The following TSPAN18 variants were observed in gnomAD, a reference collection of about 807,000 sequenced individuals.
The protein encoded by TSPAN18 is tetraspanin 18, also known as tetraspanin-18.
TSPAN18 carries 14 observed loss-of-function variants against 27.3 expected under a neutral mutation model. The observed-to-expected ratio is 0.51, with a 90% CI of 0.34 to 0.80. TSPAN18 has a LOEUF of 0.80. Among genes scored for constraint, TSPAN18 ranks in the 30% least tolerant of loss-of-function variants. The pLI is 0.01. For missense variants in TSPAN18, 268 were observed against 323.9 expected (o/e 0.83, Z 1.32); for synonymous variants, 143 against 136.5 (o/e 1.05, Z -0.33).
At chr11:44,772,986 C>T (rs1855723143) in intron 2 of TSPAN18, among the ~76,000 whole-genome samples, 1 of 152,018 alleles carries the variant, frequency 6.6e-6, no homozygotes, top group African/African-American at 2.4e-5. Flanking sequence ...TCCAAATGAA[C>T]AGGTATCACA....
chr11:44,762,623 GTGTGTGTGTGTGTT>G (rs996169810), intron 1 of TSPAN18, among the ~76,000 whole-genome samples: 1 of 152,138 alleles, frequency 6.6e-6, no homozygotes, highest in Admixed American at 6.6e-5. Flanking sequence ...ATATGTGTGT[GTGTGTGTGTGTGTT>G]TGTGTGTGTG....
chr11:44,918,065 G>A lies in TSPAN18; in HGVS notation c.333+19G>A. On this transcript the variant is annotated intron_variant, in intron 6 of 9. Transcript: ENST00000520358. ...GGAAAATGTACGTATCAGGCCCCAA[G>A]CTTTCCTGCCTCCTGCTATCAGCAA... The A allele has an allele frequency of 6.2e-7, 1 of 1,613,156 alleles. No individual in the cohort carries two copies. Among genetic ancestry groups the A allele is most frequent in the Non-Finnish European group, 8.5e-7 (1 of 1,179,656 alleles).
At chr11:44,791,450 C>T (rs1030196892) in intron 2 of TSPAN18, among the ~76,000 whole-genome samples, 2 of 152,198 alleles carry the variant, frequency 1.3e-5, no homozygotes, top group Non-Finnish European at 2.9e-5. Flanking sequence ...ATCCATCTGT[C>T]CCCCGACATG....
intron 2 of TSPAN18, among the ~76,000 whole-genome samples, chr11:44,850,674 A>T (rs1048180008): frequency 5.3e-5 from 8 of 152,148 alleles, no homozygotes; most frequent in African/African-American, 1.9e-4. Context: ...CTTACAGATG[A>T]GAAGGCAGAG....
chr11:44,744,303 C>T (rs188308239), intron 1 of TSPAN18, among the ~76,000 whole-genome samples: 3 of 152,338 alleles, frequency 2.0e-5, no homozygotes, highest in Non-Finnish European at 4.4e-5. Context: ...GGAACATCTG[C>T]TCTGGACTGC....
chr11:44,908,166 C>G (rs1050423429), intron 4 of TSPAN18, among the ~76,000 whole-genome samples: 1 of 152,060 alleles, frequency 6.6e-6, no homozygotes, highest in African/African-American at 2.4e-5. Flanking sequence ...CTGGGTCCTT[C>G]AGGCCTCTCC....
At chr11:44,741,474 T>G (rs1437462900) in intron 1 of TSPAN18, among the ~76,000 whole-genome samples, 2 of 151,952 alleles carry the variant, frequency 1.3e-5, no homozygotes, top group Non-Finnish European at 2.9e-5. Context: ...TGTGTGTGTG[T>G]GTAAAGAAAA....
At chr11:44,905,427 G>A (rs1362616131) in intron 3 of TSPAN18, among the ~76,000 whole-genome samples, 2 of 152,168 alleles carry the variant, frequency 1.3e-5, no homozygotes, top group African/African-American at 4.8e-5. Context: ...CTAGCTGTGG[G>A]ACATCGGACA....
chr11:44,830,665 G>A (rs1454302603), intron 2 of TSPAN18, among the ~76,000 whole-genome samples: 1 of 152,162 alleles, frequency 6.6e-6, no homozygotes, highest in Non-Finnish European at 1.5e-5. Context: ...ACAGGGCCAG[G>A]CACCTAACAC....
intron 3 of TSPAN18, among the ~76,000 whole-genome samples, chr11:44,864,268 CTGAG>C (rs1857974237): frequency 8.3e-6 from 1 of 120,258 alleles, no homozygotes; most frequent in African/African-American, 3.3e-5. Flanking sequence ...GCCTGGGTGA[CTGAG>C]TGAGACTCCG....
At chr11:44,778,462 G>C (rs570215150) in intron 2 of TSPAN18, among the ~76,000 whole-genome samples, 3 of 152,216 alleles carry the variant, frequency 2.0e-5, no homozygotes, top group Admixed American at 2.0e-4. Flanking sequence ...ACTATCTATT[G>C]ATTCCAGCTG....
intron 2 of TSPAN18, among the ~76,000 whole-genome samples, chr11:44,774,420 A>C (rs1441872450): frequency 2.0e-5 from 3 of 152,216 alleles, no homozygotes; most frequent in Non-Finnish European, 4.4e-5. Flanking sequence ...GGTGGCCCAC[A>C]GGCCTGGGGC....
At chr11:44,855,067 G>A (rs1048486612) in intron 2 of TSPAN18, among the ~76,000 whole-genome samples, 2 of 152,014 alleles carry the variant, frequency 1.3e-5, no homozygotes, top group Admixed American at 6.6e-5. Flanking sequence ...GAACTGCTGG[G>A]CATTGCAATT....
At chr11:44,782,425 C>T (rs1382602074) in intron 2 of TSPAN18, among the ~76,000 whole-genome samples, 5 of 151,952 alleles carry the variant, frequency 3.3e-5, no homozygotes. Context: ...CGCCTGTAAT[C>T]CCAGCTACTC....
intron 2 of TSPAN18, among the ~76,000 whole-genome samples, chr11:44,827,118 C>T (rs891890172): frequency 2.0e-5 from 3 of 152,210 alleles, no homozygotes; most frequent in Admixed American, 6.5e-5. Context: ...TCTGCCACTG[C>T]GCTCCTTCCC....
At chr11:44,904,737 T>A (rs1232573733) in intron 3 of TSPAN18, among the ~76,000 whole-genome samples, 2 of 152,220 alleles carry the variant, frequency 1.3e-5, no homozygotes, top group East Asian at 3.8e-4. Context: ...CAGGCACCGC[T>A]CTGCTCCATC....
At chr11:44,739,648 C>CTTCCTGGTG (rs1854883216) in intron 1 of TSPAN18, among the ~76,000 whole-genome samples, 1 of 152,204 alleles carries the variant, frequency 6.6e-6, no homozygotes, top group Non-Finnish European at 1.5e-5. Context: ...AGAAAGTAAT[C>CTTCCTGGTG]ATGTCTTCCT....
chr11:44,932,386 A>AAAAG lies in TSPAN18; in HGVS notation c.*3212_*3215dup, dbSNP rs1165810972. On this transcript the variant is annotated 3_prime_UTR_variant, in exon 10 of 10. Coordinates refer to ENST00000520358, the MANE Select transcript of TSPAN18 (RefSeq NM_130783.5). ...CTGGTTTTTGTGAATGTTTCTTACAAAAAGAAAAAGGAACAAAGAATAAAT... is the reference window on the plus strand; with the variant it reads ...CTGGTTTTTGTGAATGTTTCTTACAAAAAGAAAGAAAAAGGAACAAAGAATAAAT... 1.3e-5 allele frequency: 2 copies of AAAAG among 152,262 alleles called. No individual in the cohort carries two copies. Among genetic ancestry groups the AAAAG allele is most frequent in the African/African-American group, 4.8e-5 (2 of 41,470 alleles). The allele number at this position is 152,262 out of a possible 1,614,324, so 9.4% of individuals were successfully genotyped here.
At chr11:44,758,366 T>A (rs759729277) in intron 1 of TSPAN18, among the ~76,000 whole-genome samples, 2 of 152,252 alleles carry the variant, frequency 1.3e-5, no homozygotes, top group Non-Finnish European at 2.9e-5. Context: ...GATTTTTGTA[T>A]GCTTAACCAT....
Sources: allele counts gnomAD v4.1 joint callset (sites outside exome capture counted in the v4.1 genomes callset), GRCh38; gene constraint gnomAD v4.1.1; transcripts MANE v1.5; gene names NCBI Gene and HGNC (gene_info 2026-07-23, HGNC 2026-07-21).